NEDD4L: variants seen among roughly 807,000 people sequenced by gnomAD.
NEDD4L encodes the protein E3 ubiquitin-protein ligase NEDD4-like.
Under a neutral mutation model 148.9 loss-of-function variants are expected in NEDD4L, and 54 were observed. The ratio of observed to expected loss-of-function variants is 0.36; its 90% CI spans 0.29 to 0.45. NEDD4L has a LOEUF of 0.45. Ranked by LOEUF, NEDD4L falls within the 20% of genes least tolerant of loss-of-function variation. NEDD4L has a pLI of 1.00. For missense variants in NEDD4L, 856 were observed against 1,233.8 expected, an observed-to-expected ratio of 0.69 and a Z score of 4.59; for synonymous variants, 433 against 440.7, an observed-to-expected ratio of 0.98 and a Z score of 0.22.
At chr18:58,348,086 A>G (rs1000952478) in intron 16 of NEDD4L, among the ~76,000 whole-genome samples, 1 of 151,744 alleles carries the variant, frequency 6.6e-6, no homozygotes, top group Admixed American at 6.6e-5. Context: ...TGCAGCCTTG[A>G]CCTCCTAGGC....
chr18:58,051,327 T>C (rs1430575898), intron 1 of NEDD4L, among the ~76,000 whole-genome samples: 3 of 152,206 alleles, frequency 2.0e-5, no homozygotes, highest in Non-Finnish European at 4.4e-5. Flanking sequence ...GTCATTGAGT[T>C]TTGTACCCTT....
intron 2 of NEDD4L, among the ~76,000 whole-genome samples, chr18:58,211,193 T>A (rs2042570082): frequency 6.6e-6 from 1 of 152,310 alleles, no homozygotes; most frequent in African/African-American, 2.4e-5. Flanking sequence ...AAATTAGGAA[T>A]GAGAGAAGAA....
chr18:58,249,451 C>T (rs1364945245), intron 4 of NEDD4L, among the ~76,000 whole-genome samples: 1 of 152,078 alleles, frequency 6.6e-6, no homozygotes, highest in Non-Finnish European at 1.5e-5. Flanking sequence ...ATTTCCTCAA[C>T]CTTTTATATT....
At chr18:58,362,268 C>CT (rs1210146036) in intron 19 of NEDD4L, among the ~76,000 whole-genome samples, 1 of 152,172 alleles carries the variant, frequency 6.6e-6, no homozygotes, top group African/African-American at 2.4e-5. Flanking sequence ...ACTGTTTAAG[C>CT]TTTTTTTCCA....
At chr18:58,368,243 T>G (rs1000470002) in intron 22 of NEDD4L, among the ~76,000 whole-genome samples, 1 of 111,918 alleles carries the variant, frequency 8.9e-6, no homozygotes, top group Non-Finnish European at 1.7e-5. Flanking sequence ...ATTGCGTTTG[T>G]CCCCAAATTA....
Position 58,288,449 on chromosome 18 carries a change from A to G in NEDD4L, c.298-27533A>G, listed in dbSNP as rs545946629. Among the ~76,000 whole-genome samples the G allele has an allele frequency of 2.0e-5, 3 of 152,352 alleles. No individual in the cohort carries two copies. The East Asian group carries it at 5.8e-4, about 29-fold the overall frequency. ...CAGTTTATGTAAGACTTTACATAGGATGCAAGGTAGGCTGTAATATGATTT... is the reference window on the plus strand; with the variant it reads ...CAGTTTATGTAAGACTTTACATAGGGTGCAAGGTAGGCTGTAATATGATTT... On this transcript the variant is annotated intron_variant, in intron 5 of 30. Coordinates refer to ENST00000400345, the MANE Select transcript of NEDD4L (RefSeq NM_001144967.3).
chr18:58,356,911 C>A (rs1337503805), intron 18 of NEDD4L, among the ~76,000 whole-genome samples: 1 of 152,014 alleles, frequency 6.6e-6, no homozygotes, highest in Non-Finnish European at 1.5e-5. Flanking sequence ...GTTTATAATT[C>A]CCATTTTAGC....
intron 2 of NEDD4L, among the ~76,000 whole-genome samples, chr18:58,236,368 A>G (rs1256215507): frequency 6.6e-6 from 1 of 151,586 alleles, no homozygotes; most frequent in Non-Finnish European, 1.5e-5. Flanking sequence ...AAAAAAAAAG[A>G]AAAAAAAATT....
At chr18:58,356,905 A>G (rs750952564) in intron 18 of NEDD4L, among the ~76,000 whole-genome samples, 10 of 152,218 alleles carry the variant, frequency 6.6e-5, no homozygotes, top group Non-Finnish European at 1.5e-4. Flanking sequence ...ACAGGGGTTT[A>G]TAATTCCCAT....
chr18:58,347,221 C>CCCCCCCA (rs2043207718), intron 16 of NEDD4L, among the ~76,000 whole-genome samples: 1 of 94,254 alleles, frequency 1.1e-5, no homozygotes, highest in Admixed American at 1.1e-4. Context: ...CCCGCCCCCC[C>CCCCCCCA]CCCCCCTTTA....
At chr18:58,189,707 CTAAT>C (rs2039891171) in intron 2 of NEDD4L, 1 of 152,194 alleles carries the variant, frequency 6.6e-6, no homozygotes, top group African/African-American at 2.4e-5. Flanking sequence ...TCTGTTGTAA[CTAAT>C]GGTCACTGAG....
chr18:58,124,671 G>A (rs1048775630), intron 1 of NEDD4L, among the ~76,000 whole-genome samples: 7 of 152,162 alleles, frequency 4.6e-5, no homozygotes, highest in African/African-American at 1.7e-4. Context: ...GCCCAGATCT[G>A]CCTTCACCAC....
chr18:58,369,819 G>A (rs1325175610), intron 22 of NEDD4L, among the ~76,000 whole-genome samples: 2 of 152,190 alleles, frequency 1.3e-5, no homozygotes, highest in East Asian at 1.9e-4. Flanking sequence ...CCGTCCCTCC[G>A]CGGGGGGTTG....
chr18:58,346,859 T>G (rs1329483075), intron 16 of NEDD4L, among the ~76,000 whole-genome samples: 1 of 152,032 alleles, frequency 6.6e-6, no homozygotes, highest in Non-Finnish European at 1.5e-5. Flanking sequence ...GCTCTGAAGT[T>G]GTCCATAACT....
intron 24 of NEDD4L, among the ~76,000 whole-genome samples, chr18:58,378,528 G>A (rs1309695719): frequency 6.6e-6 from 1 of 152,200 alleles, no homozygotes; most frequent in African/African-American, 2.4e-5. Flanking sequence ...GGACACAGAG[G>A]GGTGGCACCT....
At chr18:58,395,318 A>G (rs967561449) in intron 30 of NEDD4L, among the ~76,000 whole-genome samples, 2 of 152,156 alleles carry the variant, frequency 1.3e-5, no homozygotes, top group African/African-American at 4.8e-5. Context: ...GTAAATGTTG[A>G]AAGGTGTTAA....
intron 12 of NEDD4L, 91 bp from the exon 13 acceptor site, chr18:58,335,387 C>A: frequency 9.5e-7 from 1 of 1,051,862 alleles, no homozygotes; most frequent in Non-Finnish European, 1.5e-6. Flanking sequence ...CGTCACCTGC[C>A]TTACAGCGCT....
chr18:58,234,082 TTTC>T (rs1568442622), intron 2 of NEDD4L, among the ~76,000 whole-genome samples: 91 of 94,858 alleles, frequency 9.6e-4, no homozygotes, highest in African/African-American at 3.9e-3. Flanking sequence ...TCTTTCTTTC[TTTC>T]TTTCTTTCTT....
chr18:58,165,903 T>A (rs2036792299), intron 2 of NEDD4L, 42 bp downstream of exon 2: 3 of 1,502,836 alleles, frequency 2.0e-6, no homozygotes, highest in Non-Finnish European at 2.7e-6. Context: ...TTCTGAAAAA[T>A]TGACAAGCAG....
Sources: gnomAD v4.1 joint callset for allele counts (sites outside exome capture counted in the v4.1 genomes callset) on GRCh38, gnomAD v4.1.1 for gene constraint, MANE v1.5 for transcripts, NCBI Gene and HGNC (gene_info 2026-07-23, HGNC 2026-07-21) for gene names.